The following SBNO2 variants were observed in gnomAD, a reference collection of about 807,000 sequenced individuals.
SBNO2 encodes protein strawberry notch homolog 2.
In SBNO2, 89 loss-of-function variants were observed where a neutral mutation model predicts 146.3. The ratio of observed to expected loss-of-function variants is 0.61; its 90% CI spans 0.51 to 0.73. SBNO2 has a LOEUF of 0.73. SBNO2 is among the 30% of genes least tolerant of loss of function. The pLI, the probability that SBNO2 is intolerant of heterozygous loss-of-function variation, is 0.00. For missense variants in SBNO2, 2,092 were observed against 2,003.7 expected (o/e 1.04, Z -0.84); for synonymous variants, 1,147 against 892.6 (o/e 1.29, Z -5.08).
intron 3 of SBNO2, among the ~76,000 whole-genome samples, chr19:1,148,373 GC>G (rs2080214089): frequency 6.6e-6 from 1 of 151,906 alleles, no homozygotes; most frequent in Non-Finnish European, 1.5e-5. Context: ...CTGCTCCCAA[GC>G]CCTTTGCACA....
chr19:1,116,863 C>T lies in SBNO2; in HGVS notation c.1768G>A (p.Asp590Asn), dbSNP rs749431048. Residue 590 changes from aspartate to asparagine, a missense_variant, in exon 16 of 32, where the codon GAT becomes AAT. Transcript: ENST00000361757. ...ARTREVLGEN[D>N]GHLNCFVSAA... is the part of the protein sequence containing the mutation. ...GAGACGAAGCAGTTGAGGTGCCCATCGTTCTCCCCCAGCACCTCCCGCGTG... is the reference window on the plus strand; with the variant it reads ...GAGACGAAGCAGTTGAGGTGCCCATTGTTCTCCCCCAGCACCTCCCGCGTG... 23 of 1,591,412 alleles carry T rather than the reference C, an allele frequency of 1.4e-5. No homozygotes were observed. The highest frequency in any genetic ancestry group is 2.3e-5 in the East Asian group (1 of 43,890).
In SBNO2 at chr19:1,154,115, C is replaced by T. The variant is rs112510598; in HGVS notation, c.93+69G>A. 296 of 748,618 alleles carry T rather than the reference C, an allele frequency of 4.0e-4. 2 individuals are homozygous for T. In the African/African-American group the frequency reaches 4.7e-3, roughly 12 times the overall value. 46.4% of individuals were successfully genotyped at this position (748,618 alleles called of 1,614,324 possible). On this transcript the variant is annotated intron_variant, in intron 2 of 31. Transcript: ENST00000361757. ...GGCAGCATTCCGCACGACGTGACCC[C>T]GGGCACTCGGAGCGGGGCAAGTGCC...
Position 1,127,729 on chromosome 19 carries a change from T to TG in SBNO2, c.315dup (p.Ile106HisfsTer22). On this transcript the variant is annotated frameshift_variant, in exon 5 of 32. Coordinates refer to ENST00000361757, the MANE Select transcript of SBNO2 (RefSeq NM_014963.3). LOFTEE classifies it high-confidence loss of function. ...AGGGAGTCCACGGACGAGGAGAAGA[T>TG]GGAGATGTTGGAGAAGTCCTCAAAA... The TG allele has an allele frequency of 6.2e-7, 1 of 1,613,240 alleles. No homozygotes were observed. The highest frequency in any genetic ancestry group is 8.5e-7 in the Non-Finnish European group (1 of 1,179,638).
At chr19:1,145,304 C>CAAA (rs34903065) in intron 4 of SBNO2, among the ~76,000 whole-genome samples, 26 of 102,802 alleles carry the variant, frequency 2.5e-4, no homozygotes, top group African/African-American at 8.6e-4. Flanking sequence ...CTGTCTCTAC[C>CAAA]AAAAAAAAAA....
chr19:1,155,487 G>C (rs1438300460), intron 1 of SBNO2, among the ~76,000 whole-genome samples: 1 of 152,206 alleles, frequency 6.6e-6, no homozygotes, highest in Non-Finnish European at 1.5e-5. Context: ...TGGGACCCTT[G>C]GCAGCCCTTC....
At chr19:1,170,068 G>A (rs1335520168) in intron 1 of SBNO2, among the ~76,000 whole-genome samples, 4 of 152,204 alleles carry the variant, frequency 2.6e-5, no homozygotes, top group African/African-American at 7.2e-5. Context: ...GTCACGTGCC[G>A]TGGCCTTTTG....
rs2079731509 is a variant in SBNO2, at chr19:1,109,729, A to T, written c.3077T>A (p.Phe1026Tyr). 6.2e-7 allele frequency: 1 copy of T among 1,606,294 alleles called. No individual in the cohort carries two copies. The highest frequency in any genetic ancestry group is 8.5e-7 in the Non-Finnish European group (1 of 1,175,832). ...EEIYEESQQVFLAPGHPQDGQ... is the reference protein window; with the variant it reads ...EEIYEESQQVYLAPGHPQDGQ... ...GTCCTGCGGGTGCCCGGGAGCCAGGAACACCTGCTGGCTCTCCTCGTAGAT... is the reference window on the plus strand; with the variant it reads ...GTCCTGCGGGTGCCCGGGAGCCAGGTACACCTGCTGGCTCTCCTCGTAGAT... Residue 1026 changes from phenylalanine to tyrosine, a missense_variant, in exon 27 of 32, where the codon TTC becomes TAC. Transcript: ENST00000361757. This position sits in a 1 kb window ranked among gnomAD's most constrained non-coding sequence, Gnocchi z 4.2.
chr19:1,168,056 A>C (rs2080442898), intron 1 of SBNO2, among the ~76,000 whole-genome samples: 1 of 152,020 alleles, frequency 6.6e-6, no homozygotes, highest in Non-Finnish European at 1.5e-5. Context: ...GGGGCAGCGG[A>C]GACTTGTGGG....
In SBNO2 at chr19:1,158,299, G is replaced by A. The variant is rs924091787; in HGVS notation, c.-126-3897C>T. Among the ~76,000 whole-genome samples, 17 of 152,052 alleles carry A rather than the reference G, an allele frequency of 1.1e-4. No homozygotes were observed. Among genetic ancestry groups the A allele is most frequent in the African/African-American group, 2.9e-4 (12 of 41,410 alleles). On this transcript the variant is annotated intron_variant, in intron 1 of 31. Coordinates refer to ENST00000361757, the MANE Select transcript of SBNO2 (RefSeq NM_014963.3). This position sits in a 1 kb window ranked among gnomAD's most constrained non-coding sequence, Gnocchi z 9.9. ...ATGGGGAGCTGTGTCCTCGGAGCCC[G>A]GTTCTCCTGCCGTCCTCTCGCCGAG...
rs1599895619 is a variant in SBNO2, at chr19:1,173,085, C to T, written c.-127+1087G>A. ...CCCCAGCACCATCCGTGCCCGGCGT[C>T]CCTGGAGGCGCTGGGTGGGCTCTCC... On this transcript the variant is annotated intron_variant, in intron 1 of 31. Coordinates refer to ENST00000361757, the MANE Select transcript of SBNO2 (RefSeq NM_014963.3). This position sits in a 1 kb window ranked among gnomAD's most constrained non-coding sequence, Gnocchi z 4.7. Among the ~76,000 whole-genome samples the T allele has an allele frequency of 6.6e-6, 1 of 152,210 alleles. No homozygotes were observed. Among genetic ancestry groups the T allele is most frequent in the East Asian group, 1.9e-4 (1 of 5,170 alleles).
rs72975601 is a variant in SBNO2 at position 1,145,949 on chromosome 19, G to A, written c.279+1360C>T. On this transcript the variant is annotated intron_variant, in intron 4 of 31. Coordinates refer to ENST00000361757, the MANE Select transcript of SBNO2 (RefSeq NM_014963.3). ...CAGGACAGGAATCCACCCTCTTCCC[G>A]TCCCAGGGCCCGGGAGTCTGAGGCC... Among the ~76,000 whole-genome samples, 1,114 of 152,148 alleles carry A rather than the reference G, an allele frequency of 7.3e-3. 6 individuals are homozygous for A. The highest frequency in any genetic ancestry group is 8.8e-3 in the Non-Finnish European group (600 of 67,988).
In SBNO2 at chr19:1,122,599, C is replaced by T. The variant is rs565332390; in HGVS notation, c.915-41G>A. On this transcript the variant is annotated intron_variant, in intron 9 of 31. Coordinates refer to ENST00000361757, the MANE Select transcript of SBNO2 (RefSeq NM_014963.3). ...GTCAGGCGCGCCCACCCTTCCCCCT[C>T]GCCCCCCGCTTCCGCCCCCCACCCC... 120 of 1,316,206 alleles carry T rather than the reference C, an allele frequency of 9.1e-5. No homozygotes were observed. In the African/African-American group the frequency reaches 9.4e-4, roughly 10 times the overall value. The allele number at this position is 1,316,206 out of a possible 1,614,324, so 81.5% of individuals were successfully genotyped here. A position where few individuals can be genotyped will look rare whatever the true frequency, so the allele number is the denominator to read the frequency against.
intron 1 of SBNO2, among the ~76,000 whole-genome samples, chr19:1,163,084 G>C (rs2080365147): frequency 6.6e-6 from 1 of 152,216 alleles, no homozygotes; most frequent in Admixed American, 6.5e-5. Flanking sequence ...GGGAGTGCCA[G>C]GGACAGAGAG....
In SBNO2 at chr19:1,110,175, G is replaced by A. The variant is rs991625396; in HGVS notation, c.3029-398C>T. ...GACCCCAAGCAGGCTGTGGGGGATC[G>A]TGGGAGCCTGGTTGGCTGCGGCACT... On this transcript the variant is annotated intron_variant, in intron 26 of 31. Transcript: ENST00000361757. The surrounding 1 kb of genome is among the most constrained non-coding windows in gnomAD (Gnocchi z 4.9). Among the ~76,000 whole-genome samples, 1 of 152,088 alleles carries A rather than the reference G, an allele frequency of 6.6e-6. No individual in the cohort carries two copies. Among genetic ancestry groups the A allele is most frequent in the Admixed American group, 6.5e-5 (1 of 15,278 alleles).
At chr19:1,122,610 T>TCCCCCCCC in intron 9 of SBNO2, 48 bp downstream of exon 9, 2 of 694,592 alleles carry the variant, frequency 2.9e-6, no homozygotes, top group East Asian at 7.0e-5. Context: ...GCCCCCCGCT[T>TCCCCCCCC]CCGCCCCCCA....
rs764839755 is a variant in SBNO2 at position 1,116,834 on chromosome 19, G to A, written c.1797C>T (p.Ala599=). Residue 599 remains alanine, a synonymous_variant, in exon 16 of 32, where the codon GCC becomes GCT. Coordinates refer to ENST00000361757, the MANE Select transcript of SBNO2 (RefSeq NM_014963.3). The part of the protein sequence containing the change: ...NDGHLNCFVS[A]AEGVFLSLIQ... ...GTCCCCACCGTGACACTTACTCAGC[G>A]GCCGAGACGAAGCAGTTGAGGTGCC... The A allele has an allele frequency of 7.1e-5, 112 of 1,587,752 alleles. No homozygotes were observed. The highest frequency in any genetic ancestry group is 3.2e-4 in the South Asian group (28 of 87,640).
At chr19:1,142,765 G>A (rs2080153192) in intron 4 of SBNO2, among the ~76,000 whole-genome samples, 1 of 152,078 alleles carries the variant, frequency 6.6e-6, no homozygotes, top group Non-Finnish European at 1.5e-5. Context: ...TCAGGAGTTC[G>A]AGACCATCCT....
Position 1,108,712 on chromosome 19 carries a change from C to G in SBNO2, c.3617-8G>C. 6.4e-7 allele frequency: 1 copy of G among 1,557,564 alleles called. No individual in the cohort carries two copies. The highest frequency in any genetic ancestry group is 8.6e-7 in the Non-Finnish European group (1 of 1,159,872). On this transcript the variant is annotated splice_region_variant and splice_polypyrimidine_tract_variant and intron_variant, in intron 31 of 31. Transcript: ENST00000361757. The stretch of plus-strand genomic sequence containing the variant: ...CCTCGGGGATCTTGATGCCTGCGGG[C>G]AGAGCGTCGGGGTCAGGGCCGGCGC...
chr19:1,112,333 A>T lies in SBNO2; in HGVS notation c.2516-32T>A. On this transcript the variant is annotated intron_variant, in intron 21 of 31. Transcript: ENST00000361757. The surrounding 1 kb of genome is among the most constrained non-coding windows in gnomAD (Gnocchi z 5.9). Reference sequence around the variant, plus strand: ...GCAGAGCTGCTCTCAGGGCCCGGCCAGGCGGGGGCGGGGCCGAGACCATGT... The same window carrying T: ...GCAGAGCTGCTCTCAGGGCCCGGCCTGGCGGGGGCGGGGCCGAGACCATGT... 2 of 1,566,928 alleles carry T rather than the reference A, an allele frequency of 1.3e-6. No homozygotes were observed. Among genetic ancestry groups the T allele is most frequent in the Non-Finnish European group, 1.7e-6 (2 of 1,157,660 alleles).
Sources: gnomAD v4.1 joint callset for allele counts (sites outside exome capture counted in the v4.1 genomes callset) on GRCh38, gnomAD v4.1.1 for gene constraint, Gnocchi (gnomAD v3.1) non-coding constraint, MANE v1.5 for transcripts, NCBI Gene and HGNC (gene_info 2026-07-23, HGNC 2026-07-21) for gene names.